Variants in MAP3K13 observed in about 807,000 individuals in gnomAD.
The protein encoded by MAP3K13 is leucine zipper-bearing kinase.
Under a neutral mutation model 104.0 loss-of-function variants are expected in MAP3K13, and 52 were observed. The ratio of observed to expected loss-of-function variants is 0.50; its 90% confidence interval spans 0.40 to 0.63. The LOEUF is 0.63. Ranked by LOEUF, MAP3K13 falls within the 20% of genes least tolerant of loss-of-function variation. The pLI, the probability that MAP3K13 is intolerant of heterozygous loss-of-function variation, is 0.00. For synonymous variants in MAP3K13, 394 were observed against 442.2 expected (o/e 0.89, Z 1.37); for missense variants, 914 against 1,218.5 (o/e 0.75, Z 3.72).
intron 2 of MAP3K13, among the ~76,000 whole-genome samples, chr3:185,327,624 T>C (rs1722083753): frequency 6.6e-6 from 1 of 152,078 alleles, no homozygotes; most frequent in Non-Finnish European, 1.5e-5. Flanking sequence ...ATGGTAGAAA[T>C]TACAAGGCTG....
intron 2 of MAP3K13, among the ~76,000 whole-genome samples, chr3:185,299,185 G>A (rs1039191824): frequency 1.3e-5 from 2 of 152,206 alleles, no homozygotes; most frequent in African/African-American, 2.4e-5. Flanking sequence ...GCAATCAGAT[G>A]AACTGAAATT....
At chr3:185,449,358 G>T (rs1384764334) in intron 5 of MAP3K13, among the ~76,000 whole-genome samples, 1 of 127,816 alleles carries the variant, frequency 7.8e-6, no homozygotes, top group Non-Finnish European at 1.6e-5. Context: ...AGGTGACAGA[G>T]CAAGATGCTG....
At chr3:185,352,671 A>T (rs944522235) in intron 2 of MAP3K13, among the ~76,000 whole-genome samples, 39 of 152,332 alleles carry the variant, frequency 2.6e-4, no homozygotes, top group African/African-American at 8.4e-4. Flanking sequence ...ATACACCAGC[A>T]TATGTTATCT....
chr3:185,290,337 A>G (rs890745079), intron 2 of MAP3K13, among the ~76,000 whole-genome samples: 3 of 152,192 alleles, frequency 2.0e-5, no homozygotes, highest in Non-Finnish European at 4.4e-5. Context: ...CTTTATCACT[A>G]TAATATTTTA....
At chr3:185,324,400 G>T (rs1361108340) in intron 2 of MAP3K13, among the ~76,000 whole-genome samples, 1 of 152,088 alleles carries the variant, frequency 6.6e-6, no homozygotes, top group Non-Finnish European at 1.5e-5. Flanking sequence ...CAATTAGGTT[G>T]TTTATTAAAG....
intron 7 of MAP3K13, among the ~76,000 whole-genome samples, chr3:185,454,323 TGAG>T (rs1485453558): frequency 1.0e-5 from 1 of 99,684 alleles, no homozygotes; most frequent in South Asian, 3.1e-4. Context: ...GAGATATATA[TGAG>T]ATATATATGA....
chr3:185,435,050 C>T (rs1291652437), intron 2 of MAP3K13, among the ~76,000 whole-genome samples: 1 of 152,058 alleles, frequency 6.6e-6, no homozygotes, highest in Non-Finnish European at 1.5e-5. Context: ...GTCACCCAGG[C>T]TGGAGTGCAG....
intron 7 of MAP3K13, chr3:185,451,674 C>G (rs949141008): frequency 6.8e-6 from 2 of 293,908 alleles, no homozygotes; most frequent in Non-Finnish European, 1.3e-5. Flanking sequence ...CAAGACCAGC[C>G]TGGCCAACAT....
Position 185,450,302 on chromosome 3 carries a change from G to T in MAP3K13, c.1169+244G>T, listed in dbSNP as rs190804842. Among the ~76,000 whole-genome samples, 14 of 152,260 alleles carry T rather than the reference G, an allele frequency of 9.2e-5. No individual in the cohort carries two copies. The East Asian group carries it at 2.7e-3, about 29-fold the overall frequency. Reference sequence around the variant, plus strand: ...TAATTAATTAAAATTTAGAAATAAAGAACTTGGTGTTATTATCTCAAAATA... The same window carrying T: ...TAATTAATTAAAATTTAGAAATAAATAACTTGGTGTTATTATCTCAAAATA... On this transcript the variant is annotated intron_variant, in intron 6 of 13. Transcript: ENST00000265026. The surrounding 1 kb of genome is among the most constrained non-coding windows in gnomAD (Gnocchi z 4.2).
chr3:185,419,260 C>T (rs1713987376), intron 1 of MAP3K13, among the ~76,000 whole-genome samples: 1 of 152,146 alleles, frequency 6.6e-6, no homozygotes, highest in Non-Finnish European at 1.5e-5. Context: ...CCTTGGCCTC[C>T]CAAAATGTTG....
At chr3:185,362,502 C>A (rs1283490661), upstream of MAP3K13, among the ~76,000 whole-genome samples, 1 of 152,148 alleles carries the variant, frequency 6.6e-6, no homozygotes, top group Non-Finnish European at 1.5e-5. Flanking sequence ...AATTTTTCTT[C>A]CATATCCACT....
intron 2 of MAP3K13, among the ~76,000 whole-genome samples, chr3:185,431,422 G>T (rs116653196): frequency 0.026 from 3,892 of 152,188 alleles, 72 homozygotes; most frequent in Middle Eastern, 0.051. Context: ...ATGACCATTT[G>T]TCTACTCCTT....
chr3:185,388,961 C>A (rs1448604455), intron 1 of MAP3K13, among the ~76,000 whole-genome samples: 1 of 152,092 alleles, frequency 6.6e-6, no homozygotes, highest in Non-Finnish European at 1.5e-5. Context: ...TTCAGAGGTA[C>A]CTCTTTTTTA....
intron 10 of MAP3K13, 94 bp from the exon 11 acceptor site, chr3:185,472,881 C>G: frequency 1.4e-5 from 17 of 1,174,358 alleles, no homozygotes; most frequent in Non-Finnish European, 2.1e-5. Context: ...ACTGCTGATT[C>G]AAAGGCTCTG....
chr3:185,454,698 TATATATATCATATATGAG>T (rs1244232890), intron 7 of MAP3K13, among the ~76,000 whole-genome samples: 1 of 28,480 alleles, frequency 3.5e-5, no homozygotes, highest in African/African-American at 6.5e-5. Context: ...ATATATGAGA[TATATATATCATATATGAG>T]ATATATATGA....
At chr3:185,371,631 A>C (rs1179496254) in intron 1 of MAP3K13, among the ~76,000 whole-genome samples, 1 of 152,202 alleles carries the variant, frequency 6.6e-6, no homozygotes, top group Non-Finnish European at 1.5e-5. Context: ...ATTCAAGGTT[A>C]AGGTAGCCAA....
In MAP3K13 at chr3:185,473,685, G is replaced by A. The variant is rs768429307; in HGVS notation, c.2354G>A (p.Arg785Lys). 6 of 1,614,134 alleles carry A rather than the reference G, an allele frequency of 3.7e-6. No homozygotes were observed. Among genetic ancestry groups the A allele is most frequent in the South Asian group, 2.2e-5 (2 of 91,090 alleles). The change falls in exon 11 of 14, where the codon AGG (arginine) becomes AAG (lysine). Residue 785 changes from arginine (R) to lysine (K), a missense_variant. By Grantham distance (26) the Arg-to-Lys change is conservative. Around this residue, in one of 3 missense-constraint regions of MAP3K13, gnomAD observed 583 missense variants for 737.4 expected, o/e 0.79. Coordinates refer to ENST00000265026, the MANE Select transcript of MAP3K13 (RefSeq NM_004721.5). This position sits in a 1 kb window ranked among gnomAD's most constrained non-coding sequence, Gnocchi z 4.9. Reference protein sequence around the residue: ...KTEENEFSGCRSESSLGTSHL... With the variant: ...KTEENEFSGCKSESSLGTSHL... ...GAAGAAAATGAATTCAGCGGCTGTA[G>A]GTCTGAGTCATCCCTCGGCACCTCT...
At chr3:185,333,896 A>G (rs1722374924) in intron 2 of MAP3K13, among the ~76,000 whole-genome samples, 1 of 152,156 alleles carries the variant, frequency 6.6e-6, no homozygotes, top group African/African-American at 2.4e-5. Context: ...TCTACAAAAA[A>G]TACAAAAATT....
chr3:185,357,265 T>A (rs1723399323), intron 2 of MAP3K13, among the ~76,000 whole-genome samples: 1 of 151,460 alleles, frequency 6.6e-6, no homozygotes, highest in African/African-American at 2.4e-5. Context: ...GCCAAAATGG[T>A]GACACCCCAT....
Sources: gnomAD v4.1 joint callset for allele counts (sites outside exome capture counted in the v4.1 genomes callset) on GRCh38, gnomAD v4.1.1 for gene constraint, gnomAD v4.1.1 regional missense constraint, Gnocchi (gnomAD v3.1) non-coding constraint, MANE v1.5 for transcripts, NCBI Gene and HGNC (gene_info 2026-07-23, HGNC 2026-07-21) for gene names.